ARAP1: variants seen among roughly 807,000 people sequenced by gnomAD.
ARAP1 encodes the protein arf-GAP with Rho-GAP domain, ANK repeat and PH domain-containing protein 1.
Under a neutral mutation model 172.2 loss-of-function variants are expected in ARAP1, and 76 were observed. The ratio of observed to expected loss-of-function variants is 0.44; its 90% CI spans 0.37 to 0.53. The LOEUF (loss-of-function observed/expected upper bound fraction) is 0.53, where lower values mean the gene tolerates loss of function less well. ARAP1 is among the 20% of genes least tolerant of loss of function. The pLI is 0.00. For missense variants in ARAP1, 1,686 were observed against 1,977.5 expected, an observed-to-expected ratio of 0.85 and a Z score of 2.80; for synonymous variants, 804 against 803.3, an observed-to-expected ratio of 1.00 and a Z score of -0.01.
At chr11:72,727,709 A>T (rs1303777674) in intron 2 of ARAP1, among the ~76,000 whole-genome samples, 1 of 152,216 alleles carries the variant, frequency 6.6e-6, no homozygotes, top group Non-Finnish European at 1.5e-5. Context: ...CCCTGGAGGA[A>T]GTGAAATGCT....
chr11:72,722,023 G>A, intron 3 of ARAP1: 1 of 985,734 alleles, frequency 1.0e-6, no homozygotes, highest in African/African-American at 1.7e-5. Context: ...GCGTTCTCTT[G>A]GAGGTTTTTG....
chr11:72,696,153 G>A (rs756645015), intron 23 of ARAP1, among the ~76,000 whole-genome samples: 12 of 152,006 alleles, frequency 7.9e-5, no homozygotes, highest in Non-Finnish European at 1.8e-4. Context: ...TTTTTCCAAG[G>A]ACAGGGTCGG....
Position 72,695,482 on chromosome 11 carries a change from G to A in ARAP1, c.3508-27C>T, listed in dbSNP as rs1412392804. The A allele has an allele frequency of 1.9e-6, 3 of 1,614,214 alleles. No individual in the cohort carries two copies. The highest frequency in any genetic ancestry group is 1.1e-5 in the South Asian group (1 of 91,090). On this transcript the variant is annotated intron_variant, in intron 25 of 34. Coordinates refer to ENST00000393609, the MANE Select transcript of ARAP1 (RefSeq NM_001040118.3). This position sits in a 1 kb window ranked among gnomAD's most constrained non-coding sequence, Gnocchi z 4.4. Reference sequence around the variant, plus strand: ...TGCAGGGAGACAGGGCTCAGCTGGGGGCCTAGGAAATGGGTGCAGGTGGCA... The same window carrying A: ...TGCAGGGAGACAGGGCTCAGCTGGGAGCCTAGGAAATGGGTGCAGGTGGCA...
chr11:72,749,893 C>T (rs941278164), intron 1 of ARAP1, among the ~76,000 whole-genome samples: 3 of 151,714 alleles, frequency 2.0e-5, no homozygotes, highest in South Asian at 2.1e-4. Context: ...AAAGTTCCCT[C>T]TCCCTCTCTC....
rs1032060135 is a variant in ARAP1 at position 72,703,416 on chromosome 11, G to T, written c.1993-337C>A. 27 of 110,396 alleles carry T rather than the reference G, an allele frequency of 2.4e-4. 4 individuals carry two copies. In the East Asian group the frequency reaches 2.9e-3, roughly 12 times the overall value. The allele number at this position is 110,396 out of a possible 1,614,324, so 6.8% of individuals were successfully genotyped here. A position where few individuals can be genotyped will look rare whatever the true frequency, so the allele number is the denominator to read the frequency against. ...CTGCCTTGTGGAGGAGCCGGGGGGGGGGTGTGCTTTGTAGCTAATTCCTCC... is the reference window on the plus strand; with the variant it reads ...CTGCCTTGTGGAGGAGCCGGGGGGGTGGTGTGCTTTGTAGCTAATTCCTCC... On this transcript the variant is annotated intron_variant, in intron 14 of 34. Transcript: ENST00000393609.
chr11:72,693,809 G>C lies in ARAP1; in HGVS notation c.3695-4C>G. On this transcript the variant is annotated splice_region_variant and splice_polypyrimidine_tract_variant and intron_variant, in intron 27 of 34. Coordinates refer to ENST00000393609, the MANE Select transcript of ARAP1 (RefSeq NM_001040118.3). The surrounding 1 kb of genome is among the most constrained non-coding windows in gnomAD (Gnocchi z 4.6). Reference sequence around the variant, plus strand: ...TCCGCAAAGTGCAGGGGGCGCTCTGGGGAGAGGTCACACCTACCGTCACTG... The same window carrying C: ...TCCGCAAAGTGCAGGGGGCGCTCTGCGGAGAGGTCACACCTACCGTCACTG... 6.3e-7 allele frequency: 1 copy of C among 1,592,154 alleles called. No homozygotes were observed. The highest frequency in any genetic ancestry group is 1.1e-5 in the South Asian group (1 of 88,152).
intron 34 of ARAP1, 147 bp from the exon 35 acceptor site, chr11:72,685,828 G>A: frequency 1.5e-6 from 2 of 1,355,642 alleles, no homozygotes; most frequent in African/African-American, 2.9e-5. Flanking sequence ...CCAGGGCCAG[G>A]CAGAGGGGAC....
At chr11:72,703,974 T>A in intron 14 of ARAP1, 178 bp downstream of exon 14, 1 of 786,260 alleles carries the variant, frequency 1.3e-6, no homozygotes, top group Non-Finnish European at 2.0e-6. Context: ...CCTCCCTGCA[T>A]GGCCAGAACT....
At chr11:72,736,743 C>G (rs2135584496) in intron 1 of ARAP1, among the ~76,000 whole-genome samples, 1 of 152,266 alleles carries the variant, frequency 6.6e-6, no homozygotes, top group South Asian at 2.1e-4. Flanking sequence ...CCACTCAAAG[C>G]CTTTCCATGG....
At position 72,694,939 on chromosome 11, in the gene ARAP1, A is replaced by G. The variant is rs199853378; in HGVS notation, c.3694+41T>C. 9.5e-6 allele frequency: 15 copies of G among 1,573,578 alleles called. No individual in the cohort carries two copies. In the East Asian group the frequency reaches 3.4e-4, roughly 35 times the overall value. Reference sequence around the variant, plus strand: ...AGACTGGGGCTACAGCTGAGACAAGACAAGCCATACCACACCCTGCACAAG... The same window carrying G: ...AGACTGGGGCTACAGCTGAGACAAGGCAAGCCATACCACACCCTGCACAAG... On this transcript the variant is annotated intron_variant, in intron 27 of 34. Transcript: ENST00000393609.
rs765325498 is a variant in ARAP1 at position 72,694,975 on chromosome 11, C to T, written c.3694+5G>A. The T allele has an allele frequency of 6.2e-7, 1 of 1,613,466 alleles. No homozygotes were observed. Among genetic ancestry groups the T allele is most frequent in the South Asian group, 1.1e-5 (1 of 91,034 alleles). ...CACACCCTGCACAAGCCCAGCGTCA[C>T]CCACCTGCCTCCTCCCTCTCGTTGA... On this transcript the variant is annotated splice_donor_5th_base_variant and intron_variant, in intron 27 of 34. Transcript: ENST00000393609.
At chr11:72,702,680 C>T (rs977521825) in intron 15 of ARAP1, among the ~76,000 whole-genome samples, 4 of 152,188 alleles carry the variant, frequency 2.6e-5, no homozygotes, top group South Asian at 2.1e-4. Flanking sequence ...GGGGCCCACA[C>T]TGCAAGTCAG....
chr11:72,738,808 C>A (rs939138346), intron 1 of ARAP1, among the ~76,000 whole-genome samples: 4 of 152,174 alleles, frequency 2.6e-5, no homozygotes, highest in Admixed American at 2.0e-4. Context: ...GCCACACACA[C>A]CTACCACCCC....
Position 72,695,387 on chromosome 11 carries a change from C to T in ARAP1, c.3576G>A (p.Lys1192=), listed in dbSNP as rs1213683328. The T allele has an allele frequency of 1.9e-6, 3 of 1,614,206 alleles. No individual in the cohort carries two copies. Among genetic ancestry groups the T allele is most frequent in the South Asian group, 1.1e-5 (1 of 91,088 alleles). Residue 1192 remains lysine (K), a splice_region_variant and synonymous_variant, in exon 26 of 35, where the codon AAG becomes AAA. Transcript: ENST00000393609. This position sits in a 1 kb window ranked among gnomAD's most constrained non-coding sequence, Gnocchi z 4.4. ...EKKAETEQHI[K]VPASMTAEEL... ...TTGGCTTCTAGGTCCCAGCACCTAC[C>T]TTGATATGCTGCTCAGTCTCTGCCT...
chr11:72,702,388 G>A (rs568839607), intron 15 of ARAP1, among the ~76,000 whole-genome samples: 2 of 151,990 alleles, frequency 1.3e-5, no homozygotes, highest in African/African-American at 2.4e-5. Context: ...CCTGGGCCAC[G>A]AGCTGTGCTG....
intron 1 of ARAP1, among the ~76,000 whole-genome samples, chr11:72,738,239 G>A (rs977628937): frequency 6.6e-6 from 1 of 152,200 alleles, no homozygotes; most frequent in Non-Finnish European, 1.5e-5. Context: ...AACAGAAGAT[G>A]TTTAGAGAGA....
intron 13 of ARAP1, chr11:72,705,441 C>T (rs1311158869): frequency 9.6e-6 from 2 of 209,178 alleles, no homozygotes; most frequent in East Asian, 1.3e-4. Context: ...TCAGTTTACA[C>T]ATCTATTCAA....
chr11:72,741,570 G>A lies in ARAP1; in HGVS notation c.-127-8973C>T, dbSNP rs1858199911. Among the ~76,000 whole-genome samples, 1 of 152,176 alleles carries A rather than the reference G, an allele frequency of 6.6e-6. No individual in the cohort carries two copies. The highest frequency in any genetic ancestry group is 1.5e-5 in the Non-Finnish European group (1 of 68,020). The stretch of plus-strand genomic sequence containing the variant: ...GCAAGGGGCAGCCTGAGGAGCCACA[G>A]GATGACTCCAGGAAGATCCTCCTGT... On this transcript the variant is annotated intron_variant, in intron 1 of 34. Transcript: ENST00000393609. The surrounding 1 kb of genome is among the most constrained non-coding windows in gnomAD (Gnocchi z 4.5).
intron 13 of ARAP1, 116 bp downstream of exon 13, chr11:72,705,689 G>C (rs1014011422): frequency 1.1e-5 from 12 of 1,128,850 alleles, no homozygotes. Flanking sequence ...ATCACAAAGG[G>C]TCTCTTCCAG....
Sources: gnomAD v4.1 joint callset for allele counts (sites outside exome capture counted in the v4.1 genomes callset) on GRCh38, gnomAD v4.1.1 for gene constraint, Gnocchi (gnomAD v3.1) non-coding constraint, MANE v1.5 for transcripts, NCBI Gene and HGNC (gene_info 2026-07-23, HGNC 2026-07-21) for gene names.